The following BICRA variants were observed in gnomAD, a reference collection of about 807,000 sequenced individuals.
BICRA encodes BRD4-interacting chromatin-remodeling complex-associated protein.
A neutral mutation model predicts 96.9 loss-of-function variants in BICRA; 31 were observed. The observed-to-expected ratio is 0.32, with a 90% CI of 0.24 to 0.43. The LOEUF (loss-of-function observed/expected upper bound fraction) is 0.43, where lower values mean the gene tolerates loss of function less well. Ranked by LOEUF, BICRA falls within the 20% of genes least tolerant of loss-of-function variation. BICRA has a pLI of 1.00. For missense variants in BICRA, 2,283 were observed against 2,190.3 expected (o/e 1.04, Z -0.84); for synonymous variants, 1,350 against 1,071.8 (o/e 1.26, Z -5.07).
chr19:47,693,834 G>A (rs1023854640), intron 7 of BICRA, among the ~76,000 whole-genome samples: 1 of 152,220 alleles, frequency 6.6e-6, no homozygotes, highest in Admixed American at 6.5e-5. Flanking sequence ...ACTGCGAGGG[G>A]TGGGGGGAAT....
At chr19:47,637,361 C>A (rs1364472753) in intron 1 of BICRA, among the ~76,000 whole-genome samples, 1 of 151,954 alleles carries the variant, frequency 6.6e-6, no homozygotes, top group Non-Finnish European at 1.5e-5. Context: ...CCTTGTGATC[C>A]ACCCACCTCA....
At chr19:47,639,677 T>C (rs2123533534) in intron 1 of BICRA, among the ~76,000 whole-genome samples, 1 of 138,720 alleles carries the variant, frequency 7.2e-6, no homozygotes, top group African/African-American at 2.7e-5. Context: ...TTTCTCTGTG[T>C]CGCCCTGGTT....
chr19:47,614,684 T>C (rs558498668), intron 1 of BICRA, among the ~76,000 whole-genome samples: 21 of 152,358 alleles, frequency 1.4e-4, no homozygotes, highest in African/African-American at 4.3e-4. Flanking sequence ...GTCTGGTCTA[T>C]GCATTGCTTT....
Position 47,696,361 on chromosome 19 carries a change from C to T in BICRA, c.3187-90C>T. The stretch of plus-strand genomic sequence containing the variant: ...CCTGGGTGAGACACTGGTCCCCTGT[C>T]CCGTCTTTATCCTAGGCTAGAGGGG... On this transcript the variant is annotated intron_variant, in intron 10 of 14. Coordinates refer to ENST00000594866, the MANE Select transcript of BICRA (RefSeq NM_001394372.1). 3.3e-6 allele frequency: 4 copies of T among 1,223,662 alleles called. No homozygotes were observed. In the Admixed American group the frequency reaches 6.2e-5, roughly 19 times the overall value. The allele number at this position is 1,223,662 out of a possible 1,614,324, so 75.8% of individuals were successfully genotyped here.
At chr19:47,662,861 C>T (rs1239069578) in intron 1 of BICRA, 1 of 152,190 alleles carries the variant, frequency 6.6e-6, no homozygotes, top group Non-Finnish European at 1.5e-5. Flanking sequence ...TGTTTCAGAT[C>T]CCCTTTCCAC....
At chr19:47,646,690 T>C (rs1330923375) in intron 1 of BICRA, among the ~76,000 whole-genome samples, 5 of 152,134 alleles carry the variant, frequency 3.3e-5, no homozygotes, top group African/African-American at 1.2e-4. Context: ...CGAGGTGAAG[T>C]AAGTCAAGGA....
chr19:47,698,888 C>A lies in BICRA; in HGVS notation c.3398-77C>A. On this transcript the variant is annotated intron_variant, in intron 12 of 14. Transcript: ENST00000594866. This position sits in a 1 kb window ranked among gnomAD's most constrained non-coding sequence, Gnocchi z 4.8. ...CAGGTCCACGGTGCGCTATGCTGAC[C>A]CTGCCCCGCCCTCCTTCCTGCGCAT... 1 of 1,356,886 alleles carries A rather than the reference C, an allele frequency of 7.4e-7. No individual in the cohort carries two copies. Among genetic ancestry groups the A allele is most frequent in the Non-Finnish European group, 1.0e-6 (1 of 969,870 alleles). 84.1% of individuals were successfully genotyped at this position (1,356,886 alleles called of 1,614,324 possible). A position where few individuals can be genotyped will look rare whatever the true frequency, so the allele number is the denominator to read the frequency against.
At position 47,698,520 on chromosome 19, in the gene BICRA, TC is replaced by T; in HGVS notation, c.3249-111del. The T allele has an allele frequency of 1.5e-6, 1 of 670,912 alleles. No homozygotes were observed. Among genetic ancestry groups the T allele is most frequent in the Non-Finnish European group, 2.7e-6 (1 of 367,594 alleles). 41.6% of individuals were successfully genotyped at this position (670,912 alleles called of 1,614,324 possible). On this transcript the variant is annotated intron_variant, in intron 11 of 14. Coordinates refer to ENST00000594866, the MANE Select transcript of BICRA (RefSeq NM_001394372.1). The surrounding 1 kb of genome is among the most constrained non-coding windows in gnomAD (Gnocchi z 4.8). ...AACACCACTGCCCAAGTATTCCCCT[TC>T]CCGCTGTTGTGTTCAGTTGCGGCCT... is the stretch of plus-strand genomic sequence containing the variant.
chr19:47,676,381 G>A (rs1972941166), intron 5 of BICRA, among the ~76,000 whole-genome samples: 1 of 152,102 alleles, frequency 6.6e-6, no homozygotes, highest in Admixed American at 6.5e-5. Context: ...GTGAATATGG[G>A]TGCTGAGAAA....
Position 47,699,478 on chromosome 19 carries a change from A to AGG in BICRA, c.3595+75_3595+76dup, listed in dbSNP as rs1973407316. On this transcript the variant is annotated intron_variant, in intron 14 of 14. Coordinates refer to ENST00000594866, the MANE Select transcript of BICRA (RefSeq NM_001394372.1). The surrounding 1 kb of genome is among the most constrained non-coding windows in gnomAD (Gnocchi z 5.0). ...CCACCTGGGCAGAAGAGTTAGATTCAGGGCGGGGAGTGGGTGTGTGGCCCT... is the reference window on the plus strand; with the variant it reads ...CCACCTGGGCAGAAGAGTTAGATTCAGGGGGCGGGGAGTGGGTGTGTGGCCCT... 4 of 872,496 alleles carry AGG rather than the reference A, an allele frequency of 4.6e-6. No homozygotes were observed. The highest frequency in any genetic ancestry group is 7.5e-6 in the Non-Finnish European group (4 of 533,460). The allele number at this position is 872,496 out of a possible 1,614,324, so 54.0% of individuals were successfully genotyped here. A position where few individuals can be genotyped will look rare whatever the true frequency, so the allele number is the denominator to read the frequency against.
chr19:47,678,173 T>C (rs1599845353), intron 5 of BICRA, among the ~76,000 whole-genome samples: 1 of 152,188 alleles, frequency 6.6e-6, no homozygotes, highest in African/African-American at 2.4e-5. Flanking sequence ...TGGAGGGCAT[T>C]GGTAGGATCT....
At chr19:47,642,373 T>C (rs959633598) in intron 1 of BICRA, among the ~76,000 whole-genome samples, 21 of 152,150 alleles carry the variant, frequency 1.4e-4, no homozygotes, top group Non-Finnish European at 4.4e-5. Flanking sequence ...AGTGGATTAG[T>C]AGGGTCAGAT....
intron 1 of BICRA, among the ~76,000 whole-genome samples, chr19:47,645,551 A>T (rs1051262721): frequency 6.6e-6 from 1 of 152,230 alleles, no homozygotes; most frequent in African/African-American, 2.4e-5. Flanking sequence ...GTCTCTTAAC[A>T]TGAAAAGGTC....
chr19:47,673,661 C>T (rs1459265126), intron 3 of BICRA, 46 bp downstream of exon 3: 4 of 1,305,866 alleles, frequency 3.1e-6, no homozygotes, highest in Middle Eastern at 1.9e-4. Context: ...TCAACCCCCT[C>T]CCTTCCCTCC....
At chr19:47,625,298 CTT>C (rs577643609) in intron 1 of BICRA, among the ~76,000 whole-genome samples, 31 of 136,156 alleles carry the variant, frequency 2.3e-4, no homozygotes, top group Non-Finnish European at 2.4e-4. Flanking sequence ...CCAACCTGGC[CTT>C]TTTTTTTTTT....
In BICRA at chr19:47,680,056, G is replaced by A. The variant is rs867675274; in HGVS notation, c.886G>A (p.Ala296Thr). ...GLVIQKNLSAAVATTLNGNSV... is the reference protein window; with the variant it reads ...GLVIQKNLSATVATTLNGNSV... ...GGTCATCCAGAAGAACCTCTCGGCC[G>A]CTGTGGCCACCACGCTCAATGGGAA... The change falls in exon 6 of 15, where the codon GCT (alanine) becomes ACT (threonine). Residue 296 changes from alanine to threonine, a missense_variant. Ala to Thr is a moderately conservative substitution (Grantham distance 58, BLOSUM62 0). Coordinates refer to ENST00000594866, the MANE Select transcript of BICRA (RefSeq NM_001394372.1). 5.1e-6 allele frequency: 8 copies of A among 1,558,586 alleles called. No individual in the cohort carries two copies. Among genetic ancestry groups the A allele is most frequent in the Admixed American group, 1.9e-5 (1 of 53,628 alleles).
At chr19:47,614,485 T>G (rs1037205274) in intron 1 of BICRA, among the ~76,000 whole-genome samples, 31 of 152,096 alleles carry the variant, frequency 2.0e-4, no homozygotes, top group African/African-American at 7.0e-4. Flanking sequence ...GGCATGGTGG[T>G]GCATGGCTGT....
intron 8 of BICRA, 50 bp from the exon 9 acceptor site, chr19:47,694,850 C>T (rs1461299337): frequency 1.5e-6 from 2 of 1,372,258 alleles, no homozygotes; most frequent in African/African-American, 2.9e-5. Flanking sequence ...CTGGACACCC[C>T]TACACCTAGC....
intron 7 of BICRA, among the ~76,000 whole-genome samples, chr19:47,687,793 G>C (rs1213410666): frequency 7.2e-6 from 1 of 138,674 alleles, no homozygotes; most frequent in Non-Finnish European, 1.5e-5. Context: ...CTACACTCTA[G>C]CCTAGGCAGC....
Sources: allele counts gnomAD v4.1 joint callset (sites outside exome capture counted in the v4.1 genomes callset), GRCh38; gene constraint gnomAD v4.1.1; non-coding constraint Gnocchi (gnomAD v3.1); transcripts MANE v1.5; gene names NCBI Gene and HGNC (gene_info 2026-07-23, HGNC 2026-07-21).